Variants in INPP4B observed in about 807,000 individuals in gnomAD.
INPP4B encodes the protein inositol polyphosphate-4-phosphatase type II B.
In INPP4B, 55 loss-of-function variants were observed where a neutral mutation model predicts 122.5. The ratio of observed to expected loss-of-function variants is 0.45; its 90% CI spans 0.36 to 0.56. The LOEUF is 0.56. Among genes scored for constraint, INPP4B ranks in the 20% least tolerant of loss-of-function variants. The pLI is 0.00. For missense variants in INPP4B, 1,000 were observed against 1,097.7 expected (o/e 0.91, Z 1.26); for synonymous variants, 403 against 388.7 (o/e 1.04, Z -0.43).
At chr4:142,173,008 G>C (rs1463128763) in intron 16 of INPP4B, among the ~76,000 whole-genome samples, 1 of 151,864 alleles carries the variant, frequency 6.6e-6, no homozygotes, top group Non-Finnish European at 1.5e-5. Context: ...TCTGGAAGTT[G>C]ATATTGAGTG....
chr4:142,284,611 A>G (rs2150845979), intron 9 of INPP4B, among the ~76,000 whole-genome samples: 1 of 152,230 alleles, frequency 6.6e-6, no homozygotes, highest in Non-Finnish European at 1.5e-5. Context: ...CAGCAGAGAA[A>G]GAGGAAGAGG....
chr4:142,088,795 G>A (rs1190959414), intron 23 of INPP4B, among the ~76,000 whole-genome samples: 1 of 152,144 alleles, frequency 6.6e-6, no homozygotes, highest in Admixed American at 6.6e-5. Flanking sequence ...ATTATATCCT[G>A]AAGAACCTAA....
chr4:142,376,757 A>G (rs1792008919), intron 7 of INPP4B, among the ~76,000 whole-genome samples: 1 of 152,030 alleles, frequency 6.6e-6, no homozygotes, highest in African/African-American at 2.4e-5. Flanking sequence ...CAGTGGATTC[A>G]TGGTGGAAAA....
chr4:142,509,213 A>G (rs577341895), intron 2 of INPP4B, among the ~76,000 whole-genome samples: 1 of 152,338 alleles, frequency 6.6e-6, no homozygotes, highest in Admixed American at 6.5e-5. Context: ...GACGGTAGCA[A>G]CGTGGACCAG....
chr4:142,454,422 T>G (rs1814954338), intron 3 of INPP4B, among the ~76,000 whole-genome samples: 1 of 152,114 alleles, frequency 6.6e-6, no homozygotes, highest in African/African-American at 2.4e-5. Context: ...AACCCACTGA[T>G]TCTTTCCCAC....
rs1434686518 is a variant in INPP4B at position 142,082,194 on chromosome 4, T to C, written c.2488-9A>G. On this transcript the variant is annotated splice_polypyrimidine_tract_variant and intron_variant, in intron 24 of 25. Coordinates refer to ENST00000262992, the MANE Select transcript of INPP4B (RefSeq NM_001101669.3). ...TTCAGTTTGCGGCAAATCTGTAACA[T>C]ATGTAAGAACGAACGTTTCTTGTTC... The C allele has an allele frequency of 6.7e-7, 1 of 1,497,672 alleles. No individual in the cohort carries two copies. The highest frequency in any genetic ancestry group is 1.4e-5 in the African/African-American group (1 of 73,768). 92.8% of individuals were successfully genotyped at this position (1,497,672 alleles called of 1,614,324 possible).
At chr4:142,053,146 A>G (rs1472143171) in intron 25 of INPP4B, among the ~76,000 whole-genome samples, 1 of 152,024 alleles carries the variant, frequency 6.6e-6, no homozygotes, top group Admixed American at 6.6e-5. Flanking sequence ...CACGGCCAAC[A>G]GGGACTGCGT....
At chr4:142,495,716 A>G (rs1225046068) in intron 2 of INPP4B, among the ~76,000 whole-genome samples, 1 of 152,148 alleles carries the variant, frequency 6.6e-6, no homozygotes, top group East Asian at 1.9e-4. Context: ...TAAAGGTGAG[A>G]ATAATTTTAC....
chr4:142,778,078 A>T (rs750023985), intron 1 of INPP4B, among the ~76,000 whole-genome samples: 12 of 152,220 alleles, frequency 7.9e-5, no homozygotes, highest in Non-Finnish European at 1.3e-4. Flanking sequence ...ACACCATGTT[A>T]GCCATGCCTT....
chr4:142,168,177 T>C (rs941080122), intron 16 of INPP4B, among the ~76,000 whole-genome samples: 6 of 151,668 alleles, frequency 4.0e-5, no homozygotes, highest in Non-Finnish European at 7.4e-5. Flanking sequence ...TTTTCTATAT[T>C]TATTCTGTGT....
chr4:142,254,758 G>C (rs2150272503), intron 11 of INPP4B, among the ~76,000 whole-genome samples: 1 of 152,260 alleles, frequency 6.6e-6, no homozygotes, highest in African/African-American at 2.4e-5. Context: ...GAGGAGAATG[G>C]AACCAAGGTG....
intron 2 of INPP4B, among the ~76,000 whole-genome samples, chr4:142,722,442 C>T (rs758212707): frequency 2.0e-5 from 3 of 152,056 alleles, no homozygotes; most frequent in South Asian, 2.1e-4. Flanking sequence ...AGACCTTGAA[C>T]AGTAGCAGGA....
At chr4:142,429,391 A>G (rs1336951571) in intron 4 of INPP4B, among the ~76,000 whole-genome samples, 174 bp from the exon 5 acceptor site, 2 of 152,056 alleles carry the variant, frequency 1.3e-5, no homozygotes, top group Non-Finnish European at 2.9e-5. Context: ...AGGGCATAAT[A>G]TTTGTTGCAG....
intron 25 of INPP4B, among the ~76,000 whole-genome samples, chr4:142,051,832 A>G (rs1204113231): frequency 6.6e-6 from 1 of 152,038 alleles, no homozygotes; most frequent in African/African-American, 2.4e-5. Context: ...ACATTTAGAT[A>G]TCATTTTGTT....
chr4:142,739,418 C>T (rs1767569747), intron 1 of INPP4B, among the ~76,000 whole-genome samples: 1 of 151,856 alleles, frequency 6.6e-6, no homozygotes. Context: ...GAAGTGTTTG[C>T]CTATAGAATG....
chr4:142,638,706 C>T (rs143376663), intron 2 of INPP4B, among the ~76,000 whole-genome samples: 2,426 of 151,966 alleles, frequency 0.016, 63 homozygotes, highest in African/African-American at 0.056. Flanking sequence ...CCACCATGTC[C>T]GGCTAATTTT....
intron 1 of INPP4B, among the ~76,000 whole-genome samples, chr4:142,752,264 G>T (rs919272521): frequency 6.6e-6 from 1 of 152,020 alleles, no homozygotes; most frequent in African/African-American, 2.4e-5. Flanking sequence ...GGAGGCCAAA[G>T]GTGCCTCACA....
At chr4:142,470,414 A>G (rs1254632292) in intron 2 of INPP4B, among the ~76,000 whole-genome samples, 1 of 152,226 alleles carries the variant, frequency 6.6e-6, no homozygotes, top group African/African-American at 2.4e-5. Flanking sequence ...AAGAAGAAAA[A>G]GTTCATACTT....
intron 1 of INPP4B, among the ~76,000 whole-genome samples, chr4:142,843,329 C>A (rs957000956): frequency 1.3e-5 from 2 of 151,730 alleles, no homozygotes; most frequent in East Asian, 3.9e-4. Context: ...TTAGAGTATG[C>A]TCTAAAGAGC....
Sources: gnomAD v4.1 joint callset for allele counts (sites outside exome capture counted in the v4.1 genomes callset) on GRCh38, gnomAD v4.1.1 for gene constraint, MANE v1.5 for transcripts, NCBI Gene and HGNC (gene_info 2026-07-23, HGNC 2026-07-21) for gene names.